Variants in SLC30A2 observed in about 807,000 individuals in gnomAD.
The protein encoded by SLC30A2 is solute carrier family 30 member 2.
Under a neutral mutation model 39.6 loss-of-function variants are expected in SLC30A2, and 19 were observed. The ratio of observed to expected loss-of-function variants is 0.48; its 90% confidence interval spans 0.34 to 0.70. SLC30A2 has a LOEUF of 0.70. Among genes scored for constraint, SLC30A2 ranks in the 30% least tolerant of loss-of-function variants. The pLI is 0.01. For missense variants in SLC30A2, 387 were observed against 479.4 expected (o/e 0.81, Z 1.80); for synonymous variants, 195 against 194.8 (o/e 1.00, Z -0.01).
chr1:26,044,147 C>G, intron 3 of SLC30A2, 151 bp downstream of exon 3: 1 of 803,974 alleles, frequency 1.2e-6, no homozygotes, highest in Non-Finnish European at 2.0e-6. Flanking sequence ...GGACAGAGGC[C>G]ATGGTTGACA....
chr1:26,040,026 G>GA, intron 6 of SLC30A2, 115 bp from the exon 7 acceptor site: 3 of 1,178,670 alleles, frequency 2.5e-6, no homozygotes, highest in Non-Finnish European at 3.6e-6. Context: ...AGACCTCTTT[G>GA]GCCTGCAGGT....
At chr1:26,043,334 C>T (rs759178899) in intron 4 of SLC30A2, 64 bp downstream of exon 4, 14 of 1,519,706 alleles carry the variant, frequency 9.2e-6, no homozygotes, top group Admixed American at 6.9e-5. Flanking sequence ...GCAAAGCAGA[C>T]ATAGGTGTGG....
chr1:26,042,623 C>G lies in SLC30A2; in HGVS notation c.658G>C (p.Ala220Pro). ...QQEENPSVRA[A>P]FIHVIGDFMQ... is the part of the protein sequence containing the mutation. ...AAGTCGCCGATCACATGGATGAAGG[C>G]AGCTCGGACGCTGGGGTTCTCCTCC... Residue 220 changes from alanine to proline, a missense_variant, in exon 5 of 8, where the codon GCC becomes CCC. Physicochemically the swap from Ala to Pro is conservative, Grantham distance 27. Transcript: ENST00000374276. 1 of 1,614,204 alleles carries G rather than the reference C, an allele frequency of 6.2e-7. No homozygotes were observed. The highest frequency in any genetic ancestry group is 8.5e-7 in the Non-Finnish European group (1 of 1,180,026).
chr1:26,043,349 G>C (rs753476557), intron 4 of SLC30A2, 49 bp downstream of exon 4: 14 of 1,579,200 alleles, frequency 8.9e-6, no homozygotes, highest in Admixed American at 6.7e-5. Flanking sequence ...GTGTGGGTGT[G>C]AGAGGCGGGA....
intron 5 of SLC30A2, 59 bp from the exon 6 acceptor site, chr1:26,041,864 C>T (rs1031707570): frequency 7.8e-6 from 8 of 1,029,538 alleles, no homozygotes; most frequent in Admixed American, 3.8e-5. Flanking sequence ...AGCTTCCCTT[C>T]TCCCCTCCCA....
At chr1:26,044,257 C>A in intron 3 of SLC30A2, 41 bp downstream of exon 3, 1 of 1,607,822 alleles carries the variant, frequency 6.2e-7, no homozygotes, top group South Asian at 1.1e-5. Context: ...CTAACCCACC[C>A]TCTCTCTCAA....
chr1:26,038,464 G>A lies in SLC30A2; in HGVS notation c.*696C>T, dbSNP rs2050362822. On this transcript the variant is annotated 3_prime_UTR_variant, in exon 8 of 8. Coordinates refer to ENST00000374276, the MANE Select transcript of SLC30A2 (RefSeq NM_001004434.3). ...CAACAGAAGTGCCAGGGGGCTTGGA[G>A]GCTGTTAGTGCAGAACCCAAGCTGA... is the stretch of plus-strand genomic sequence containing the variant. 6.6e-6 allele frequency: 1 copy of A among 152,262 alleles called. No homozygotes were observed. The highest frequency in any genetic ancestry group is 2.1e-4 in the South Asian group (1 of 4,830). 9.4% of individuals were successfully genotyped at this position (152,262 alleles called of 1,614,324 possible). A position where few individuals can be genotyped will look rare whatever the true frequency, so the allele number is the denominator to read the frequency against.
Position 26,044,548 on chromosome 1 carries a change from A to G in SLC30A2, c.272-104T>C. 3.6e-6 allele frequency: 4 copies of G among 1,097,202 alleles called. No homozygotes were observed. The Admixed American group carries it at 6.9e-5, about 19-fold the overall frequency. The allele number at this position is 1,097,202 out of a possible 1,614,324, so 68.0% of individuals were successfully genotyped here. A position where few individuals can be genotyped will look rare whatever the true frequency, so the allele number is the denominator to read the frequency against. ...CTCTGGAAGAGGACATTCTGGGCTC[A>G]AGATCTCTCTACCCATGAGCTGTAC... On this transcript the variant is annotated intron_variant, in intron 2 of 7. Transcript: ENST00000374276.
At chr1:26,045,307 C>A in intron 1 of SLC30A2, 90 bp from the exon 2 acceptor site, 3 of 1,053,272 alleles carry the variant, frequency 2.8e-6, no homozygotes, top group Non-Finnish European at 4.2e-6. Context: ...GGCCTTGTGT[C>A]CACTGGGAAA....
In SLC30A2 at chr1:26,044,407, G is replaced by A. The variant is rs765207533; in HGVS notation, c.309C>T (p.Asp103=). The change falls in exon 3 of 8, where the codon GAC becomes GAT. Residue 103 remains aspartate (D), a synonymous_variant. Coordinates refer to ENST00000374276, the MANE Select transcript of SLC30A2 (RefSeq NM_001004434.3). ...CAAAGTCAGTGAGCAGGTGTGCTGC[G>A]TCAGTCATGACAGCCAAGCTGTGTG... is the stretch of plus-strand genomic sequence containing the variant. ...YLAHSLAVMT[D]AAHLLTDFAS... 1.8e-5 allele frequency: 29 copies of A among 1,613,730 alleles called. 1 individual carries two copies. The highest frequency in any genetic ancestry group is 1.5e-4 in the Admixed American group (9 of 59,968).
intron 5 of SLC30A2, among the ~76,000 whole-genome samples, 175 bp from the exon 6 acceptor site, chr1:26,041,980 A>G (rs1483940599): frequency 1.3e-5 from 2 of 152,206 alleles, no homozygotes; most frequent in African/African-American, 4.8e-5. Context: ...GCAAGAGCAG[A>G]AAGGACAGAC....
chr1:26,044,187 G>T lies in SLC30A2; in HGVS notation c.418+111C>A. 5 of 1,123,538 alleles carry T rather than the reference G, an allele frequency of 4.5e-6. No homozygotes were observed. In the South Asian group the frequency reaches 7.0e-5, roughly 16 times the overall value. 69.6% of individuals were successfully genotyped at this position (1,123,538 alleles called of 1,614,324 possible). A position where few individuals can be genotyped will look rare whatever the true frequency, so the allele number is the denominator to read the frequency against. ...CTTCCCCCATCCAGATCACCCTCCTGGCCTCACTCAGGGGAGGAAGGGGGG... is the reference window on the plus strand; with the variant it reads ...CTTCCCCCATCCAGATCACCCTCCTTGCCTCACTCAGGGGAGGAAGGGGGG... On this transcript the variant is annotated intron_variant, in intron 3 of 7. Transcript: ENST00000374276.
chr1:26,044,292 C>T lies in SLC30A2; in HGVS notation c.418+6G>A, dbSNP rs752696819. ...ACCCCATCTCCAGCCAAACCGCGAT[C>T]CTCACCAGCTCTCTGCCAGCCAAAG... is the stretch of plus-strand genomic sequence containing the variant. On this transcript the variant is annotated splice_donor_region_variant and intron_variant, in intron 3 of 7. Transcript: ENST00000374276. The T allele has an allele frequency of 6.2e-7, 1 of 1,613,904 alleles. No homozygotes were observed. Among genetic ancestry groups the T allele is most frequent in the Non-Finnish European group, 8.5e-7 (1 of 1,179,894 alleles).
In SLC30A2 at chr1:26,039,431, C is replaced by T. The variant is rs1557560580; in HGVS notation, c.974-126G>A. On this transcript the variant is annotated intron_variant, in intron 7 of 7. Transcript: ENST00000374276. The surrounding 1 kb of genome is among the most constrained non-coding windows in gnomAD (Gnocchi z 4.3). ...GGGGACCATGAACATGGAGAAGCCC[C>T]CAGATTCCATTCCTCTGCCAGGTAG... is the stretch of plus-strand genomic sequence containing the variant. 3 of 741,082 alleles carry T rather than the reference C, an allele frequency of 4.0e-6. No individual in the cohort carries two copies. Among genetic ancestry groups the T allele is most frequent in the Non-Finnish European group, 6.5e-6 (3 of 458,496 alleles). 45.9% of individuals were successfully genotyped at this position (741,082 alleles called of 1,614,324 possible).
In SLC30A2 at chr1:26,042,615, G is replaced by A; in HGVS notation, c.666C>T (p.Ile222=). 1 of 1,614,206 alleles carries A rather than the reference G, an allele frequency of 6.2e-7. No homozygotes were observed. The highest frequency in any genetic ancestry group is 8.5e-7 in the Non-Finnish European group (1 of 1,180,026). Residue 222 remains isoleucine, a synonymous_variant, in exon 5 of 8, where the codon ATC becomes ATT. Coordinates refer to ENST00000374276, the MANE Select transcript of SLC30A2 (RefSeq NM_001004434.3). ...TCTGCATAAAGTCGCCGATCACATG[G>A]ATGAAGGCAGCTCGGACGCTGGGGT... ...EENPSVRAAF[I]HVIGDFMQSM... is the part of the protein sequence containing the mutation.
Position 26,039,766 on chromosome 1 carries a change from C to A in SLC30A2, c.973+11G>T. ...GTCTCCCACCCCACCCTGAGTGTCC[C>A]AAGCACTCACCAATGGCGATGTGGA... On this transcript the variant is annotated intron_variant, in intron 7 of 7. Coordinates refer to ENST00000374276, the MANE Select transcript of SLC30A2 (RefSeq NM_001004434.3). The surrounding 1 kb of genome is among the most constrained non-coding windows in gnomAD (Gnocchi z 4.3). The A allele has an allele frequency of 6.2e-7, 1 of 1,613,272 alleles. No homozygotes were observed. Among genetic ancestry groups the A allele is most frequent in the Non-Finnish European group, 8.5e-7 (1 of 1,179,682 alleles).
At position 26,043,491 on chromosome 1, in the gene SLC30A2, T is replaced by G. The variant is rs2050423881; in HGVS notation, c.479A>C (p.Tyr160Ser). 1 of 1,613,970 alleles carries G rather than the reference T, an allele frequency of 6.2e-7. No homozygotes were observed. Among genetic ancestry groups the G allele is most frequent in the African/African-American group, 1.3e-5 (1 of 74,912 alleles). The change falls in exon 4 of 8, where the codon TAC (tyrosine) becomes TCC (serine). Residue 160 changes from tyrosine to serine, a missense_variant. Physicochemically the swap from Tyr to Ser is moderately radical, Grantham distance 144. Coordinates refer to ENST00000374276, the MANE Select transcript of SLC30A2 (RefSeq NM_001004434.3). Reference sequence around the variant, plus strand: ...AGAGATCAGCCGCTCCACAGCCAGGTACACCAGTACCCCCGTCACGACCCA... The same window carrying G: ...AGAGATCAGCCGCTCCACAGCCAGGGACACCAGTACCCCCGTCACGACCCA... ...SIWVVTGVLVYLAVERLISGD... is the reference protein window; with the variant it reads ...SIWVVTGVLVSLAVERLISGD...
rs965645137 is a variant in SLC30A2 at position 26,039,503 on chromosome 1, C to T, written c.974-198G>A. Reference sequence around the variant, plus strand: ...CATGCCTGAAAGAGCTGGTAAAGCACTGGCCTTAAGGCCAGGAATCTGCCA... The same window carrying T: ...CATGCCTGAAAGAGCTGGTAAAGCATTGGCCTTAAGGCCAGGAATCTGCCA... On this transcript the variant is annotated intron_variant, in intron 7 of 7. Transcript: ENST00000374276. The surrounding 1 kb of genome is among the most constrained non-coding windows in gnomAD (Gnocchi z 4.3). 6.6e-6 allele frequency among the ~76,000 whole-genome samples: 1 copy of T among 152,254 alleles called. No individual in the cohort carries two copies. The highest frequency in any genetic ancestry group is 2.4e-5 in the African/African-American group (1 of 41,466).
chr1:26,042,600 G>A lies in SLC30A2; in HGVS notation c.681C>T (p.Asp227=). Reference sequence around the variant, plus strand: ...CTAGGACACCCATGCTCTGCATAAAGTCGCCGATCACATGGATGAAGGCAG... The same window carrying A: ...CTAGGACACCCATGCTCTGCATAAAATCGCCGATCACATGGATGAAGGCAG... ...VRAAFIHVIG[D]FMQSMGVLVA... is the part of the protein sequence containing the mutation. Residue 227 remains aspartate (D), a synonymous_variant, in exon 5 of 8, where the codon GAC becomes GAT. Transcript: ENST00000374276. 6.2e-7 allele frequency: 1 copy of A among 1,614,204 alleles called. No individual in the cohort carries two copies. The highest frequency in any genetic ancestry group is 1.1e-5 in the South Asian group (1 of 91,080).
Sources: allele counts gnomAD v4.1 joint callset (sites outside exome capture counted in the v4.1 genomes callset), GRCh38; gene constraint gnomAD v4.1.1; non-coding constraint Gnocchi (gnomAD v3.1); transcripts MANE v1.5; gene names NCBI Gene and HGNC (gene_info 2026-07-23, HGNC 2026-07-21).